The following LTBP1 variants were observed in gnomAD, a reference collection of about 807,000 sequenced individuals.
LTBP1 encodes the protein latent-transforming growth factor beta-binding protein 1.
In LTBP1, 129 loss-of-function variants were observed where a neutral mutation model predicts 207.6. The ratio of observed to expected loss-of-function variants is 0.62; its 90% CI spans 0.54 to 0.72. LTBP1 has a LOEUF of 0.72. LTBP1 is among the 30% of genes least tolerant of loss of function. The pLI is 0.00. For missense variants in LTBP1, 2,281 were observed against 2,217.2 expected (o/e 1.03, Z -0.58); for synonymous variants, 963 against 833.7 (o/e 1.16, Z -2.67).
chr2:33,274,338 CT>C lies in LTBP1; in HGVS notation c.2743+568del, dbSNP rs71912114. ...TAATGTGACTCTAAATTTAATTTCT[CT>C]TTTTTTTTTTAAGAAAAAGAAAATT... is the stretch of plus-strand genomic sequence containing the variant. On this transcript the variant is annotated intron_variant, in intron 16 of 33. Transcript: ENST00000404816. Among the ~76,000 whole-genome samples the C allele has an allele frequency of 5.4e-3, 791 of 146,898 alleles. 2 individuals carry two copies. Among genetic ancestry groups the C allele is most frequent in the Middle Eastern group, 0.011 (3 of 270 alleles).
intron 4 of LTBP1, among the ~76,000 whole-genome samples, chr2:33,120,839 AT>A (rs889272559): frequency 1.6e-4 from 24 of 152,196 alleles, no homozygotes; most frequent in African/African-American, 5.5e-4. Context: ...TTTTAAAGTA[AT>A]TTTTTTCGCA....
chr2:33,397,773 T>C (rs985280037), intron 33 of LTBP1, among the ~76,000 whole-genome samples: 4 of 151,592 alleles, frequency 2.6e-5, no homozygotes, highest in African/African-American at 7.3e-5. Context: ...CCGCCCACCT[T>C]GGCCTCCCAA....
rs111378475 is a variant in LTBP1, at chr2:33,280,137, G to A, written c.3091G>A (p.Gly1031Ser). ...QCVPCTEGFR[G>S]WNGQCLDVDE... is the part of the protein sequence containing the mutation. ...CGTTCCCTGCACAGAAGGATTCCGA[G>A]GCTGGAATGGACAGTGCCTTGGTAG... is the stretch of plus-strand genomic sequence containing the variant. Residue 1031 changes from glycine (G) to serine (S), a missense_variant, in exon 19 of 34, where the codon GGC becomes AGC. Gly to Ser is a moderately conservative substitution (Grantham distance 56, BLOSUM62 0). Coordinates refer to ENST00000404816, the MANE Select transcript of LTBP1 (RefSeq NM_206943.4). 2.5e-6 allele frequency: 4 copies of A among 1,614,104 alleles called. No homozygotes were observed. Among genetic ancestry groups the A allele is most frequent in the African/African-American group, 1.3e-5 (1 of 75,034 alleles).
At chr2:32,982,204 T>G (rs1682868424) in intron 2 of LTBP1, among the ~76,000 whole-genome samples, 1 of 152,114 alleles carries the variant, frequency 6.6e-6, no homozygotes, top group Non-Finnish European at 1.5e-5. Context: ...TGTTGGGAGC[T>G]GGAGCAAAGG....
At chr2:33,099,938 A>G (rs1001217244) in intron 3 of LTBP1, among the ~76,000 whole-genome samples, 1 of 152,226 alleles carries the variant, frequency 6.6e-6, no homozygotes, top group East Asian at 1.9e-4. Flanking sequence ...TAAAATTAGC[A>G]TCCGAAACCA....
intron 3 of LTBP1, among the ~76,000 whole-genome samples, chr2:33,041,204 A>G (rs1276047696): frequency 6.6e-6 from 1 of 151,998 alleles, no homozygotes; most frequent in Non-Finnish European, 1.5e-5. Context: ...TGTCTGGGTC[A>G]GGCCTCTTTA....
At chr2:33,278,723 T>C (rs1181723012) in intron 18 of LTBP1, among the ~76,000 whole-genome samples, 2 of 152,186 alleles carry the variant, frequency 1.3e-5, no homozygotes, top group Non-Finnish European at 2.9e-5. Context: ...TCTATTTTTT[T>C]GAAATATCCC....
Position 33,365,341 on chromosome 2 carries a change from G to A in LTBP1, c.4549G>A (p.Glu1517Lys), listed in dbSNP as rs867619025. ...TATGTCTTCCCTTTCAGAACAAATA[G>A]AAGAAACTGATGTCTACCAAGATTT... ...IRPAESNEQI[E>K]ETDVYQDLCW... The change falls in exon 31 of 34, where the codon GAA becomes AAA. Residue 1517 changes from glutamate (E) to lysine (K), a missense_variant. Glu to Lys is a moderately conservative substitution (Grantham distance 56). Around this residue, in one of 3 missense-constraint regions of LTBP1, gnomAD observed 1,671 missense variants for 1,634.8 expected, o/e 1.02. Coordinates refer to ENST00000404816, the MANE Select transcript of LTBP1 (RefSeq NM_206943.4). The A allele has an allele frequency of 2.5e-6, 4 of 1,614,102 alleles. No individual in the cohort carries two copies. Among genetic ancestry groups the A allele is most frequent in the Non-Finnish European group, 3.4e-6 (4 of 1,179,974 alleles).
At chr2:33,294,965 G>C (rs1203738049) in intron 20 of LTBP1, among the ~76,000 whole-genome samples, 7 of 151,816 alleles carry the variant, frequency 4.6e-5, no homozygotes, top group Admixed American at 3.9e-4. Context: ...GGGGCACACA[G>C]TGATGTTTTG....
intron 3 of LTBP1, among the ~76,000 whole-genome samples, chr2:33,061,594 C>T (rs2077273521): frequency 6.6e-6 from 1 of 152,046 alleles, no homozygotes; most frequent in Admixed American, 6.6e-5. Flanking sequence ...TTTTACTTAC[C>T]ATACTATTTG....
At chr2:33,266,263 C>T (rs2093173009) in intron 15 of LTBP1, among the ~76,000 whole-genome samples, 1 of 152,250 alleles carries the variant, frequency 6.6e-6, no homozygotes, top group Admixed American at 6.5e-5. Flanking sequence ...CCTTGGCCCC[C>T]TCTGGACATT....
chr2:33,086,290 C>T (rs556264933), intron 3 of LTBP1, among the ~76,000 whole-genome samples: 16 of 152,310 alleles, frequency 1.1e-4, no homozygotes, highest in South Asian at 6.2e-4. Context: ...CTCAGGCTAC[C>T]GGGTGGGTAC....
At chr2:33,271,414 A>G (rs1485223454) in intron 15 of LTBP1, among the ~76,000 whole-genome samples, 2 of 152,290 alleles carry the variant, frequency 1.3e-5, no homozygotes, top group South Asian at 2.1e-4. Context: ...TCTAAACACC[A>G]GTAACTTGCA....
intron 9 of LTBP1, among the ~76,000 whole-genome samples, chr2:33,232,815 T>C (rs1370847500): frequency 6.6e-6 from 1 of 152,194 alleles, no homozygotes; most frequent in African/African-American, 2.4e-5. Flanking sequence ...ACTTTATGTG[T>C]CTGAAAATAT....
At chr2:33,071,753 A>T (rs1019155794) in intron 3 of LTBP1, among the ~76,000 whole-genome samples, 1 of 152,182 alleles carries the variant, frequency 6.6e-6, no homozygotes, top group Non-Finnish European at 1.5e-5. Context: ...CACGTGGGAC[A>T]TGTTCATCAC....
At chr2:33,265,493 C>T (rs144831952) in intron 15 of LTBP1, among the ~76,000 whole-genome samples, 2 of 152,116 alleles carry the variant, frequency 1.3e-5, no homozygotes, top group African/African-American at 4.8e-5. Flanking sequence ...TACATCTATA[C>T]ATTGGAACAT....
intron 17 of LTBP1, 150 bp from the exon 18 acceptor site, chr2:33,275,651 T>G (rs2093410200): frequency 1.1e-6 from 1 of 912,728 alleles, no homozygotes; most frequent in African/African-American, 1.6e-5. Context: ...ACCATTGCAC[T>G]CCAGCCTGGG....
intron 18 of LTBP1, among the ~76,000 whole-genome samples, chr2:33,279,622 C>A (rs2093517586): frequency 6.6e-6 from 1 of 152,108 alleles, no homozygotes; most frequent in African/African-American, 2.4e-5. Flanking sequence ...TTCCCTAGAG[C>A]ATCCAATGTT....
chr2:32,954,500 C>T, intron 2 of LTBP1, among the ~76,000 whole-genome samples: 1 of 151,992 alleles, frequency 6.6e-6, no homozygotes, highest in East Asian at 1.9e-4. Context: ...CCAAATTTCC[C>T]CTTTTTATAA....
Sources: gnomAD v4.1 joint callset for allele counts (sites outside exome capture counted in the v4.1 genomes callset) on GRCh38, gnomAD v4.1.1 for gene constraint, gnomAD v4.1.1 regional missense constraint, MANE v1.5 for transcripts, NCBI Gene and HGNC (gene_info 2026-07-23, HGNC 2026-07-21) for gene names.